The following KPNA4 variants were observed in gnomAD, a reference collection of about 807,000 sequenced individuals.
KPNA4 encodes the protein karyopherin subunit alpha 4.
A neutral mutation model predicts 71.3 loss-of-function variants in KPNA4; 13 were observed. The ratio of observed to expected loss-of-function variants is 0.18; its 90% CI spans 0.12 to 0.29. The LOEUF (loss-of-function observed/expected upper bound fraction) is 0.29. Ranked by LOEUF, KPNA4 falls within the 10% of genes least tolerant of loss-of-function variation. The probability of loss-of-function intolerance (pLI) is 1.00; values close to 1 mark genes in which losing one functional copy is unlikely to be tolerated. For missense variants in KPNA4, 334 were observed against 603.2 expected (o/e 0.55, Z 4.67); for synonymous variants, 189 against 195.2 (o/e 0.97, Z 0.26).
intron 10 of KPNA4, among the ~76,000 whole-genome samples, chr3:160,522,205 T>G (rs1461672612): frequency 6.6e-6 from 1 of 152,166 alleles, no homozygotes; most frequent in Non-Finnish European, 1.5e-5. Context: ...GAAAAAGACA[T>G]TCTCTTTCCC....
intron 10 of KPNA4, among the ~76,000 whole-genome samples, chr3:160,525,267 T>A (rs897106402): frequency 6.6e-6 from 1 of 152,162 alleles, no homozygotes; most frequent in African/African-American, 2.4e-5. Context: ...AACTGAGAAA[T>A]AGAATAAAAA....
In KPNA4 at chr3:160,499,349, A is replaced by G. The variant is rs1439687401; in HGVS notation, c.*2755T>C. On this transcript the variant is annotated 3_prime_UTR_variant, in exon 17 of 17. Coordinates refer to ENST00000334256, the MANE Select transcript of KPNA4 (RefSeq NM_002268.5). ...TTTTACAGCACTTGAGGTGGTCTCA[A>G]TGTTCAAAAAGACAGTTTAAGACAT... The G allele has an allele frequency of 6.6e-6, 1 of 152,184 alleles. No homozygotes were observed. Among genetic ancestry groups the G allele is most frequent in the East Asian group, 1.9e-4 (1 of 5,200 alleles). The allele number at this position is 152,184 out of a possible 1,614,324, so 9.4% of individuals were successfully genotyped here.
chr3:160,522,047 G>A, intron 10 of KPNA4, 137 bp from the exon 11 acceptor site: 1 of 689,972 alleles, frequency 1.4e-6, no homozygotes, highest in Non-Finnish European at 2.4e-6. Flanking sequence ...ATTGGAATCT[G>A]ATCGCTACGG....
intron 1 of KPNA4, among the ~76,000 whole-genome samples, chr3:160,555,489 A>T (rs953482790): frequency 2.0e-5 from 3 of 152,182 alleles, no homozygotes; most frequent in African/African-American, 7.2e-5. Flanking sequence ...GTTTTTTTCT[A>T]TGCCTACATA....
At chr3:160,502,333 C>T (rs1279400417) in intron 16 of KPNA4, 131 bp from the exon 17 acceptor site, 2 of 365,840 alleles carry the variant, frequency 5.5e-6, no homozygotes, top group Non-Finnish European at 1.0e-5. Flanking sequence ...GTCTTACCAT[C>T]CTTTAGAAAA....
At chr3:160,550,233 A>G (rs62272804) in intron 1 of KPNA4, among the ~76,000 whole-genome samples, 16,628 of 152,136 alleles carry the variant, frequency 0.11, 1,218 homozygotes, top group African/African-American at 0.21. Flanking sequence ...TAGGGCTTCT[A>G]GTACTATGTT....
At chr3:160,527,551 C>G (rs938271407) in intron 8 of KPNA4, among the ~76,000 whole-genome samples, 1 of 152,034 alleles carries the variant, frequency 6.6e-6, no homozygotes, top group Non-Finnish European at 1.5e-5. Flanking sequence ...ACTGTCATTA[C>G]GGAGAAAAAT....
At chr3:160,551,326 T>C (rs189417770) in intron 1 of KPNA4, among the ~76,000 whole-genome samples, 2 of 152,328 alleles carry the variant, frequency 1.3e-5, no homozygotes, top group Non-Finnish European at 2.9e-5. Context: ...GTAAAAACAC[T>C]GTCTTACAGA....
chr3:160,550,947 A>G (rs912672147), intron 1 of KPNA4, among the ~76,000 whole-genome samples: 2 of 152,206 alleles, frequency 1.3e-5, no homozygotes, highest in Non-Finnish European at 2.9e-5. Context: ...ATTTTCCTCA[A>G]GGCTACTGGC....
intron 7 of KPNA4, among the ~76,000 whole-genome samples, chr3:160,530,280 C>A (rs573585928): frequency 6.6e-6 from 1 of 151,874 alleles, no homozygotes; most frequent in African/African-American, 2.4e-5. Flanking sequence ...CCAGCCTGGG[C>A]AACATGGTGA....
At chr3:160,532,930 T>C (rs992803101) in intron 5 of KPNA4, among the ~76,000 whole-genome samples, 35 of 152,194 alleles carry the variant, frequency 2.3e-4, no homozygotes, top group African/African-American at 7.0e-4. Context: ...GTATTCAAAC[T>C]CTATTCAAAG....
At chr3:160,548,639 T>C (rs994998141) in intron 1 of KPNA4, among the ~76,000 whole-genome samples, 1 of 152,212 alleles carries the variant, frequency 6.6e-6, no homozygotes, top group Admixed American at 6.5e-5. Context: ...TCCTTCCTTT[T>C]TAAGTCTAAA....
chr3:160,511,401 G>A (rs1419646085), intron 13 of KPNA4, among the ~76,000 whole-genome samples: 2 of 152,066 alleles, frequency 1.3e-5, no homozygotes, highest in African/African-American at 2.4e-5. Context: ...CACTGCACCC[G>A]GCCACTATTC....
chr3:160,518,630 C>A (rs542137908), intron 11 of KPNA4, among the ~76,000 whole-genome samples: 1 of 151,330 alleles, frequency 6.6e-6, no homozygotes, highest in African/African-American at 2.4e-5. Context: ...GAGGCCGAGG[C>A]GGGTGGATCA....
Position 160,565,347 on chromosome 3 carries a change from A to T in KPNA4, c.-65T>A. The T allele has an allele frequency of 7.5e-7, 1 of 1,341,750 alleles. No homozygotes were observed. Among genetic ancestry groups the T allele is most frequent in the Non-Finnish European group, 1.0e-6 (1 of 961,358 alleles). The allele number at this position is 1,341,750 out of a possible 1,614,324, so 83.1% of individuals were successfully genotyped here. A position where few individuals can be genotyped will look rare whatever the true frequency, so the allele number is the denominator to read the frequency against. ...GGATCCGCCCCAACCAACGCGCCGCACCGACACTCCCAGGAACCGGGCCGC... is the reference window on the plus strand; with the variant it reads ...GGATCCGCCCCAACCAACGCGCCGCTCCGACACTCCCAGGAACCGGGCCGC... On this transcript the variant is annotated 5_prime_UTR_variant, in exon 1 of 17. Transcript: ENST00000334256.
At chr3:160,547,505 C>T (rs933418471) in intron 1 of KPNA4, among the ~76,000 whole-genome samples, 4 of 151,946 alleles carry the variant, frequency 2.6e-5, no homozygotes, top group African/African-American at 9.7e-5. Flanking sequence ...ACAGGCAAAT[C>T]CTCCCCCTAC....
chr3:160,535,900 T>TA lies in KPNA4; in HGVS notation c.115-4dup, dbSNP rs71628425. ...AAGAGATGTTCATCTCTTTTATTCTTAAAAAAAAAAAAAAAAAAAAAAAAA... is the reference window on the plus strand; with the variant it reads ...AAGAGATGTTCATCTCTTTTATTCTTAAAAAAAAAAAAAAAAAAAAAAAAAA... On this transcript the variant is annotated splice_polypyrimidine_tract_variant and splice_region_variant and intron_variant, in intron 2 of 16. Transcript: ENST00000334256. 0.33 allele frequency: 106,032 copies of TA among 320,282 alleles called. 6,991 individuals are homozygous for TA. Among genetic ancestry groups the TA allele is most frequent in the Non-Finnish European group, 0.35 (85,245 of 244,650 alleles). 19.8% of individuals were successfully genotyped at this position (320,282 alleles called of 1,614,324 possible). A position where few individuals can be genotyped will look rare whatever the true frequency, so the allele number is the denominator to read the frequency against.
chr3:160,506,914 C>A (rs1391767030), intron 15 of KPNA4, among the ~76,000 whole-genome samples: 1 of 152,138 alleles, frequency 6.6e-6, no homozygotes, highest in Non-Finnish European at 1.5e-5. Context: ...TGAAGCCGCT[C>A]ACCATTCCCA....
At position 160,535,420 on chromosome 3, in the gene KPNA4, T is replaced by C. The variant is rs935548852; in HGVS notation, c.287+93A>G. Reference sequence around the variant, plus strand: ...TACTATTGTTTGTCATCAAGTTAAATTTGATTAACAGGGACTACTCAATAG... The same window carrying C: ...TACTATTGTTTGTCATCAAGTTAAACTTGATTAACAGGGACTACTCAATAG... On this transcript the variant is annotated intron_variant, in intron 5 of 16. Transcript: ENST00000334256. 3.7e-5 allele frequency: 29 copies of C among 773,750 alleles called. No individual in the cohort carries two copies. In the African/African-American group the frequency reaches 4.7e-4, roughly 13 times the overall value. 47.9% of individuals were successfully genotyped at this position (773,750 alleles called of 1,614,324 possible).
Sources: allele counts gnomAD v4.1 joint callset (sites outside exome capture counted in the v4.1 genomes callset), GRCh38; gene constraint gnomAD v4.1.1; transcripts MANE v1.5; gene names NCBI Gene and HGNC (gene_info 2026-07-23, HGNC 2026-07-21).